TNNI3K: variants seen among roughly 807,000 people sequenced by gnomAD.
TNNI3K encodes TNNI3 interacting kinase, also known as serine/threonine-protein kinase TNNI3K.
Under a neutral mutation model 114.5 loss-of-function variants are expected in TNNI3K, and 140 were observed. The ratio of observed to expected loss-of-function variants is 1.22; its 90% CI spans 1.07 to 1.41. The LOEUF is 1.41. Among genes scored for constraint, TNNI3K ranks in the 40% most tolerant of loss-of-function variants. The pLI, the probability that TNNI3K is intolerant of heterozygous loss-of-function variation, is 0.00. For synonymous variants in TNNI3K, 347 were observed against 347.5 expected (o/e 1.00, Z 0.02); for missense variants, 1,125 against 1,007.6 (o/e 1.12, Z -1.58).
At chr1:74,371,637 AAG>A (rs1415762879) in intron 17 of TNNI3K, 7 of 151,822 alleles carry the variant, frequency 4.6e-5, no homozygotes, top group Admixed American at 4.6e-4. Context: ...TTAGTATACA[AAG>A]TGTATAAATG....
At chr1:74,443,260 G>A (rs532917857) in intron 20 of TNNI3K, among the ~76,000 whole-genome samples, 33 of 151,972 alleles carry the variant, frequency 2.2e-4, no homozygotes, top group South Asian at 1.0e-3. Flanking sequence ...TAGATACACC[G>A]CTAGCTAGAC....
intron 5 of TNNI3K, among the ~76,000 whole-genome samples, chr1:74,320,084 G>C (rs1659525094): frequency 6.6e-6 from 1 of 152,104 alleles, no homozygotes; most frequent in African/African-American, 2.4e-5. Flanking sequence ...AAAACTACTT[G>C]GGCGCGTGTG....
At chr1:74,358,660 G>C (rs1661786858) in intron 11 of TNNI3K, among the ~76,000 whole-genome samples, 1 of 151,916 alleles carries the variant, frequency 6.6e-6, no homozygotes, top group Non-Finnish European at 1.5e-5. Context: ...TAGTGATACT[G>C]GTTTAGTGTG....
chr1:74,475,157 C>G (rs1290927629), intron 21 of TNNI3K: 19 of 551,868 alleles, frequency 3.4e-5, no homozygotes, highest in Non-Finnish European at 5.8e-5. Flanking sequence ...CACACACACA[C>G]AGTATTTTTA....
chr1:74,270,588 C>G (rs557128498), intron 4 of TNNI3K, among the ~76,000 whole-genome samples: 1 of 151,714 alleles, frequency 6.6e-6, no homozygotes, highest in Non-Finnish European at 1.5e-5. Context: ...TCTTGTAGGC[C>G]TTTATGCAGG....
chr1:74,252,187 G>C (rs1014570811), intron 4 of TNNI3K, among the ~76,000 whole-genome samples: 1 of 152,158 alleles, frequency 6.6e-6, no homozygotes, highest in Non-Finnish European at 1.5e-5. Context: ...GAATCATTTA[G>C]TCCTACAATA....
At chr1:74,465,531 C>T (rs564797243) in intron 21 of TNNI3K, among the ~76,000 whole-genome samples, 112 of 152,138 alleles carry the variant, frequency 7.4e-4, no homozygotes, top group Non-Finnish European at 1.3e-3. Flanking sequence ...CCTCCATGCC[C>T]GAGTCCCCCC....
At chr1:74,436,604 G>A (rs955722316) in intron 19 of TNNI3K, 78 bp downstream of exon 19, 2 of 1,456,816 alleles carry the variant, frequency 1.4e-6, no homozygotes, top group Non-Finnish European at 1.8e-6. Context: ...CGTAAGATGA[G>A]AGCAGTTTTA....
At chr1:74,304,052 C>A (rs181132707) in intron 5 of TNNI3K, among the ~76,000 whole-genome samples, 33 of 152,246 alleles carry the variant, frequency 2.2e-4, no homozygotes, top group Admixed American at 1.8e-3. Flanking sequence ...AAAGTGGTTT[C>A]CTAAGATAAA....
At chr1:74,386,231 T>G (rs1663472279) in intron 17 of TNNI3K, among the ~76,000 whole-genome samples, 1 of 152,180 alleles carries the variant, frequency 6.6e-6, no homozygotes, top group Non-Finnish European at 1.5e-5. Context: ...TACGTCTTTA[T>G]TAGCAGTGTG....
intron 17 of TNNI3K, among the ~76,000 whole-genome samples, chr1:74,415,846 A>G (rs1665092999): frequency 6.6e-6 from 1 of 152,060 alleles, no homozygotes; most frequent in Non-Finnish European, 1.5e-5. Context: ...TCTCTACATA[A>G]TATGAGTGAG....
At chr1:74,504,072 CAGACAGCACT>C (rs1277652165) in intron 23 of TNNI3K, among the ~76,000 whole-genome samples, 2 of 152,196 alleles carry the variant, frequency 1.3e-5, no homozygotes, top group African/African-American at 2.4e-5. Context: ...GGTGCATACC[CAGACAGCACT>C]ATAGTGAAAT....
intron 21 of TNNI3K, chr1:74,480,943 T>G (rs1177606038): frequency 2.8e-6 from 2 of 716,258 alleles, no homozygotes; most frequent in East Asian, 2.7e-5. Flanking sequence ...CGGTGATGAT[T>G]AAAACCCTCG....
At chr1:74,328,578 A>G (rs547740500) in intron 5 of TNNI3K, among the ~76,000 whole-genome samples, 3 of 152,228 alleles carry the variant, frequency 2.0e-5, no homozygotes, top group African/African-American at 7.2e-5. Flanking sequence ...TTTTAAAACA[A>G]ACTAAGTAAA....
intron 5 of TNNI3K, among the ~76,000 whole-genome samples, chr1:74,303,498 C>A (rs1658451743): frequency 6.6e-6 from 1 of 152,060 alleles, no homozygotes; most frequent in Non-Finnish European, 1.5e-5. Context: ...ACTGTTGAGA[C>A]CCACTACTCA....
intron 23 of TNNI3K, among the ~76,000 whole-genome samples, chr1:74,523,512 TAA>T (rs45587037): frequency 1.3e-5 from 2 of 151,410 alleles, no homozygotes; most frequent in South Asian, 4.2e-4. Flanking sequence ...GAGACTCACT[TAA>T]AAAAAAAGGC....
intron 20 of TNNI3K, 28 bp downstream of exon 20, chr1:74,439,650 C>G: frequency 1.2e-6 from 2 of 1,611,414 alleles, no homozygotes; most frequent in Non-Finnish European, 1.7e-6. Flanking sequence ...TGAAGTTTTC[C>G]TGTTTTACAG....
At chr1:74,386,615 G>T (rs1035653348) in intron 17 of TNNI3K, among the ~76,000 whole-genome samples, 1 of 152,212 alleles carries the variant, frequency 6.6e-6, no homozygotes, top group South Asian at 2.1e-4. Flanking sequence ...TTCAAAATTA[G>T]AATTGTGGGG....
intron 23 of TNNI3K, among the ~76,000 whole-genome samples, chr1:74,525,569 G>T (rs577653107): frequency 6.6e-6 from 1 of 152,318 alleles, no homozygotes; most frequent in Non-Finnish European, 1.5e-5. Flanking sequence ...AATAAGTGTT[G>T]CAAGTAAACT....
Sources: allele counts gnomAD v4.1 joint callset (sites outside exome capture counted in the v4.1 genomes callset), GRCh38; gene constraint gnomAD v4.1.1; transcripts MANE v1.5; gene names NCBI Gene and HGNC (gene_info 2026-07-23, HGNC 2026-07-21).